Variants in UGT1A7 observed in about 807,000 individuals in gnomAD.
UGT1A7 encodes UDP glucuronosyltransferase family 1 member A7.
A neutral mutation model predicts 45.6 loss-of-function variants in UGT1A7; 33 were observed. The observed-to-expected ratio is 0.72, with a 90% CI of 0.55 to 0.97. UGT1A7 has a LOEUF of 0.97. Among genes scored for constraint, UGT1A7 ranks in the 50% least tolerant of loss-of-function variants. The pLI, the probability that UGT1A7 is intolerant of heterozygous loss-of-function variation, is 0.00. For missense variants in UGT1A7, 684 were observed against 666.2 expected (o/e 1.03, Z -0.29); for synonymous variants, 274 against 250.6 (o/e 1.09, Z -0.88).
intron 1 of UGT1A7, chr2:233,729,461 G>A: frequency 6.2e-7 from 1 of 1,614,132 alleles, no homozygotes; most frequent in South Asian, 1.1e-5. Flanking sequence ...AAATTTTTCA[G>A]AAGTATGGCA....
intron 1 of UGT1A7, among the ~76,000 whole-genome samples, chr2:233,746,568 A>G (rs1299748110): frequency 6.6e-6 from 1 of 151,704 alleles, no homozygotes; most frequent in Non-Finnish European, 1.5e-5. Flanking sequence ...AGAGCACCAC[A>G]CCCTGTAATT....
rs544468002 is a variant in UGT1A7 at position 233,756,533 on chromosome 2, C to G, written c.856-10501C>G. Among the ~76,000 whole-genome samples, 22 of 152,166 alleles carry G rather than the reference C, an allele frequency of 1.4e-4. 2 individuals carry two copies. The South Asian group carries it at 3.5e-3, about 24-fold the overall frequency. ...TCAAATGTGCATGTTATTCACTTTT[C>G]TTGACTGCTAAAACAACCAGGGAGA... On this transcript the variant is annotated intron_variant, in intron 1 of 4. Coordinates refer to ENST00000373426, the MANE Select transcript of UGT1A7 (RefSeq NM_019077.3).
At chr2:233,755,085 C>T (rs753098995) in intron 1 of UGT1A7, 1 of 1,335,532 alleles carries the variant, frequency 7.5e-7, no homozygotes, top group Non-Finnish European at 1.0e-6. Flanking sequence ...ATAGATATCG[C>T]GTTTCTACGC....
chr2:233,713,230 A>G (rs747842946), intron 1 of UGT1A7: 14 of 1,614,276 alleles, frequency 8.7e-6, no homozygotes, highest in Admixed American at 1.7e-5. Flanking sequence ...CTGACAACGT[A>G]TGCCATTTCA....
At chr2:233,739,315 GAGA>G (rs1462380897) in intron 1 of UGT1A7, among the ~76,000 whole-genome samples, 27 of 152,314 alleles carry the variant, frequency 1.8e-4, no homozygotes, top group African/African-American at 5.5e-4. Context: ...GTGGAGTTGT[GAGA>G]AGAAGGCCAC....
At chr2:233,766,980 A>G (rs1699299686) in intron 1 of UGT1A7, 54 bp from the exon 2 acceptor site, 14 of 1,612,720 alleles carry the variant, frequency 8.7e-6, no homozygotes, top group Non-Finnish European at 1.1e-5. Flanking sequence ...TACTGTATGT[A>G]GTCATCAAAG....
intron 1 of UGT1A7, among the ~76,000 whole-genome samples, chr2:233,744,268 G>C (rs975143580): frequency 2.0e-5 from 3 of 151,806 alleles, no homozygotes; most frequent in African/African-American, 7.3e-5. Context: ...TTTTCTTAAA[G>C]TAGGCTTTAT....
rs763548038 is a variant in UGT1A7 at position 233,772,319 on chromosome 2, G to A, written c.1353G>A (p.Pro451=). The A allele has an allele frequency of 6.2e-6, 10 of 1,614,046 alleles. No homozygotes were observed. The highest frequency in any genetic ancestry group is 7.6e-6 in the Non-Finnish European group (9 of 1,180,038). The change falls in exon 5 of 5, where the codon CCG becomes CCA. Residue 451 remains proline (P), a synonymous_variant. Coordinates refer to ENST00000373426, the MANE Select transcript of UGT1A7 (RefSeq NM_019077.3). ...TTCACAAGGACCGCCCGGTGGAGCC[G>A]CTGGACCTGGCCGTGTTCTGGGTGG... ...SSLHKDRPVE[P]LDLAVFWVEF...
At chr2:233,765,738 C>T (rs1341217365) in intron 1 of UGT1A7, among the ~76,000 whole-genome samples, 1 of 147,306 alleles carries the variant, frequency 6.8e-6, no homozygotes, top group Non-Finnish European at 1.5e-5. Flanking sequence ...AATAAATAAA[C>T]CCATAAAGCC....
Position 233,768,400 on chromosome 2 carries a change from A to T in UGT1A7, c.1256A>T (p.Asp419Val). The change falls in exon 4 of 5, where the codon GAT becomes GTT. Residue 419 changes from aspartate (D) to valine (V), a missense_variant. Transcript: ENST00000373426. ...TLNVLEMTSE[D>V]LENALKAVIN... ...AATGTTCTGGAAATGACTTCTGAAG[A>T]TTTAGAAAATGCTCTAAAAGCAGTC... The T allele has an allele frequency of 6.2e-7, 1 of 1,614,204 alleles. No homozygotes were observed. The highest frequency in any genetic ancestry group is 8.5e-7 in the Non-Finnish European group (1 of 1,180,040).
chr2:233,745,071 G>A (rs981811501), intron 1 of UGT1A7, among the ~76,000 whole-genome samples: 3 of 151,782 alleles, frequency 2.0e-5, no homozygotes, highest in Admixed American at 1.3e-4. Flanking sequence ...TATTTGTATT[G>A]TTTTTTCATT....
chr2:233,767,244 T>A, intron 2 of UGT1A7, 79 bp downstream of exon 2: 13 of 1,606,204 alleles, frequency 8.1e-6, no homozygotes, highest in Non-Finnish European at 1.1e-5. Context: ...CCAGATTAAT[T>A]CTCTTAATTG....
chr2:233,690,703 T>A, intron 1 of UGT1A7: 1 of 1,231,228 alleles, frequency 8.1e-7, no homozygotes, highest in South Asian at 1.4e-5. Context: ...TCTTTAGGGA[T>A]CGTCATTATG....
chr2:233,723,213 C>CTT (rs201420005), intron 1 of UGT1A7, among the ~76,000 whole-genome samples: 4 of 88,884 alleles, frequency 4.5e-5, no homozygotes, highest in Non-Finnish European at 6.4e-5. Context: ...TCAAAACTGA[C>CTT]TTTTTTTTTT....
rs1485888079 is a variant in UGT1A7 at position 233,751,702 on chromosome 2, C to A, written c.856-15332C>A. On this transcript the variant is annotated intron_variant, in intron 1 of 4. Coordinates refer to ENST00000373426, the MANE Select transcript of UGT1A7 (RefSeq NM_019077.3). ...GCTGATGGTTTTATAAGGGGCTCTT[C>A]CTCCTTCACTCACAAGTGAACTCTT... is the stretch of plus-strand genomic sequence containing the variant. Among the ~76,000 whole-genome samples, 4 of 152,152 alleles carry A rather than the reference C, an allele frequency of 2.6e-5. No individual in the cohort carries two copies. In the South Asian group the frequency reaches 8.3e-4, roughly 32 times the overall value.
chr2:233,685,677 T>TA (rs2074749656), intron 1 of UGT1A7, among the ~76,000 whole-genome samples: 1 of 152,234 alleles, frequency 6.6e-6, no homozygotes, highest in Admixed American at 6.5e-5. Context: ...TGTGTACCCA[T>TA]ATAGCCATTC....
At chr2:233,683,841 A>G (rs989453889) in intron 1 of UGT1A7, among the ~76,000 whole-genome samples, 3 of 152,146 alleles carry the variant, frequency 2.0e-5, no homozygotes, top group Non-Finnish European at 2.9e-5. Flanking sequence ...TGTAAGGTGT[A>G]TTAAGTATGC....
intron 1 of UGT1A7, among the ~76,000 whole-genome samples, chr2:233,706,711 A>C (rs2075920644): frequency 6.6e-6 from 1 of 152,150 alleles, no homozygotes; most frequent in Admixed American, 6.5e-5. Context: ...AAGTCATGGA[A>C]TTCTGGAATC....
chr2:233,737,179 C>T (rs2078848793), intron 1 of UGT1A7, among the ~76,000 whole-genome samples: 1 of 152,230 alleles, frequency 6.6e-6, no homozygotes, highest in South Asian at 2.1e-4. Context: ...TCTATAGCGG[C>T]AGTAGCCCTT....
Sources: gnomAD v4.1 joint callset for allele counts (sites outside exome capture counted in the v4.1 genomes callset) on GRCh38, gnomAD v4.1.1 for gene constraint, MANE v1.5 for transcripts, NCBI Gene and HGNC (gene_info 2026-07-23, HGNC 2026-07-21) for gene names.